The following LRIG3 variants were observed in gnomAD, a reference collection of about 807,000 sequenced individuals.
LRIG3 encodes the protein leucine rich repeats and immunoglobulin like domains 3.
A neutral mutation model predicts 114.5 loss-of-function variants in LRIG3; 76 were observed. The ratio of observed to expected loss-of-function variants is 0.66; its 90% CI spans 0.55 to 0.80. The LOEUF (loss-of-function observed/expected upper bound fraction) is 0.80. Ranked by LOEUF, LRIG3 falls within the 30% of genes least tolerant of loss-of-function variation. The pLI is 0.00. For missense variants in LRIG3, 1,239 were observed against 1,382.8 expected, an observed-to-expected ratio of 0.90 and a Z score of 1.65; for synonymous variants, 512 against 519.8, an observed-to-expected ratio of 0.98 and a Z score of 0.20.
rs1287518709 is a variant in LRIG3, at chr12:58,882,887, G to A, written c.1462C>T (p.Pro488Ser). Residue 488 changes from proline (P) to serine (S), a missense_variant, in exon 12 of 19, where the codon CCA becomes TCA. By Grantham distance (74) the Pro-to-Ser change is moderately conservative (BLOSUM62 -1). Coordinates refer to ENST00000320743, the MANE Select transcript of LRIG3 (RefSeq NM_153377.5). ...LKGRSIFAVS[P>S]DGFVCDDFPK... is the part of the protein sequence containing the mutation. ...TACTCACCACACACAAAGCCATCTG[G>A]GCTAACAGCAAAAATGCTTCTTCCT... 2 of 1,613,860 alleles carry A rather than the reference G, an allele frequency of 1.2e-6. No individual in the cohort carries two copies. Among genetic ancestry groups the A allele is most frequent in the Admixed American group, 3.3e-5 (2 of 59,978 alleles).
intron 16 of LRIG3, 70 bp downstream of exon 16, chr12:58,876,375 A>T (rs374479498): frequency 7.3e-6 from 11 of 1,511,920 alleles, no homozygotes; most frequent in Non-Finnish European, 9.9e-6. Context: ...GTGAAAATGA[A>T]TATCATATCT....
At chr12:58,904,862 T>TG (rs1872001032) in intron 3 of LRIG3, among the ~76,000 whole-genome samples, 1 of 152,116 alleles carries the variant, frequency 6.6e-6, no homozygotes, top group African/African-American at 2.4e-5. Context: ...TTCATTTTGG[T>TG]GGGGGAAACT....
intron 3 of LRIG3, among the ~76,000 whole-genome samples, chr12:58,899,582 A>G (rs1377952012): frequency 6.6e-6 from 1 of 152,008 alleles, no homozygotes; most frequent in Admixed American, 6.5e-5. Flanking sequence ...TTGTGGACAT[A>G]GTACCCTTTC....
intron 8 of LRIG3, chr12:58,887,166 A>T (rs926454328): frequency 1.8e-5 from 6 of 337,932 alleles, no homozygotes; most frequent in African/African-American, 1.1e-4. Flanking sequence ...TGATCCGAAC[A>T]GTCTGAAAAA....
At chr12:58,912,804 T>C (rs1471502296) in intron 3 of LRIG3, among the ~76,000 whole-genome samples, 1 of 152,220 alleles carries the variant, frequency 6.6e-6, no homozygotes, top group Non-Finnish European at 1.5e-5. Context: ...CAGCACTCCA[T>C]TTAGATTCTA....
chr12:58,916,507 A>C (rs571423543), intron 1 of LRIG3, among the ~76,000 whole-genome samples: 3 of 152,234 alleles, frequency 2.0e-5, no homozygotes, highest in Non-Finnish European at 4.4e-5. Flanking sequence ...ATTTTCCTAA[A>C]TCTTCCTTAC....
At chr12:58,910,307 T>G (rs1254951254) in intron 3 of LRIG3, among the ~76,000 whole-genome samples, 1 of 152,182 alleles carries the variant, frequency 6.6e-6, no homozygotes, top group Non-Finnish European at 1.5e-5. Context: ...GGATAGTGTC[T>G]GATAATCTAA....
chr12:58,888,716 T>C (rs1422962278), intron 6 of LRIG3, 103 bp downstream of exon 6: 1 of 1,448,046 alleles, frequency 6.9e-7, no homozygotes, highest in East Asian at 2.3e-5. Flanking sequence ...AGATTGTGGA[T>C]GATGAGATTT....
At chr12:58,919,906 G>T in intron 1 of LRIG3, 94 bp downstream of exon 1, 1 of 1,253,480 alleles carries the variant, frequency 8.0e-7, no homozygotes, top group South Asian at 1.3e-5. Flanking sequence ...ACGGCAAAAA[G>T]GGGACTGCAC....
At chr12:58,879,210 C>T in intron 13 of LRIG3, 105 bp from the exon 14 acceptor site, 2 of 1,316,722 alleles carry the variant, frequency 1.5e-6, no homozygotes, top group African/African-American at 3.0e-5. Flanking sequence ...ACAGATTGTC[C>T]CTGACATAGA....
intron 1 of LRIG3, among the ~76,000 whole-genome samples, chr12:58,915,430 A>G (rs1225315401): frequency 8.5e-5 from 13 of 152,224 alleles, no homozygotes; most frequent in Non-Finnish European, 7.3e-5. Flanking sequence ...AAATAAATAA[A>G]GAGAAATCAC....
In LRIG3 at chr12:58,888,826, C is replaced by T; in HGVS notation, c.796G>A (p.Glu266Lys). 6.2e-7 allele frequency: 1 copy of T among 1,613,466 alleles called. No homozygotes were observed. The highest frequency in any genetic ancestry group is 8.5e-7 in the Non-Finnish European group (1 of 1,179,674). Reference sequence around the variant, plus strand: ...GTGATAACCCACACTTACAAAATTTCCATGTTGCTCAGCCCCCAAAAAGCT... The same window carrying T: ...GTGATAACCCACACTTACAAAATTTTCATGTTGCTCAGCCCCCAAAAAGCT... ...DGAFWGLSNM[E>K]ILQLDHNNLT... Residue 266 changes from glutamate (E) to lysine (K), a missense_variant, in exon 6 of 19, where the codon GAA becomes AAA. Physicochemically the swap from Glu to Lys is moderately conservative, Grantham distance 56. Coordinates refer to ENST00000320743, the MANE Select transcript of LRIG3 (RefSeq NM_153377.5).
At chr12:58,886,912 C>G (rs1871294177) in intron 8 of LRIG3, 22 bp from the exon 9 acceptor site, 1 of 1,593,512 alleles carries the variant, frequency 6.3e-7, no homozygotes, top group African/African-American at 1.3e-5. Flanking sequence ...AGAAGCATTC[C>G]CTTTAGAGTG....
intron 3 of LRIG3, among the ~76,000 whole-genome samples, chr12:58,895,003 C>T (rs555362180): frequency 6.6e-6 from 1 of 152,310 alleles, no homozygotes; most frequent in South Asian, 2.1e-4. Flanking sequence ...TAAGAGACCA[C>T]TGGAAAAACA....
intron 3 of LRIG3, 150 bp downstream of exon 3, chr12:58,913,832 C>A: frequency 5.0e-6 from 3 of 604,060 alleles, no homozygotes; most frequent in Non-Finnish European, 8.4e-6. Context: ...GGCTAGAAAA[C>A]AAGTTAACCA....
intron 9 of LRIG3, among the ~76,000 whole-genome samples, chr12:58,886,454 C>T (rs551391468): frequency 1.3e-5 from 2 of 151,552 alleles, no homozygotes; most frequent in Admixed American, 6.6e-5. Flanking sequence ...TAAAAAAATT[C>T]CTACGGGGAC....
chr12:58,874,016 G>A (rs766049059), intron 18 of LRIG3, 39 bp downstream of exon 18: 1 of 1,607,478 alleles, frequency 6.2e-7, no homozygotes, highest in Admixed American at 1.7e-5. Flanking sequence ...TTGGAGTATG[G>A]ATCCTCAGAC....
At chr12:58,894,653 C>T (rs1871576629) in intron 3 of LRIG3, among the ~76,000 whole-genome samples, 2 of 152,120 alleles carry the variant, frequency 1.3e-5, no homozygotes, top group African/African-American at 4.8e-5. Context: ...ACTTGATCAA[C>T]ACATTAAAAA....
At chr12:58,919,313 C>T in intron 1 of LRIG3, 1 of 1,449,054 alleles carries the variant, frequency 6.9e-7, no homozygotes, top group African/African-American at 1.4e-5. Flanking sequence ...CCTAAACCGT[C>T]TGGGCGTTCT....
Sources: gnomAD v4.1 joint callset for allele counts (sites outside exome capture counted in the v4.1 genomes callset) on GRCh38, gnomAD v4.1.1 for gene constraint, MANE v1.5 for transcripts, NCBI Gene and HGNC (gene_info 2026-07-23, HGNC 2026-07-21) for gene names.